The following RAB3C variants were observed in gnomAD, a reference collection of about 807,000 sequenced individuals.
RAB3C encodes ras-related protein Rab-3C.
A neutral mutation model predicts 26.4 loss-of-function variants in RAB3C; 17 were observed. The ratio of observed to expected loss-of-function variants is 0.64; its 90% CI spans 0.44 to 0.97. The LOEUF (loss-of-function observed/expected upper bound fraction) is 0.97. Ranked by LOEUF, RAB3C falls within the 50% of genes least tolerant of loss-of-function variation. The pLI is 0.00. For missense variants in RAB3C, 242 were observed against 281.9 expected (o/e 0.86, Z 1.01); for synonymous variants, 91 against 95.9 (o/e 0.95, Z 0.30).
chr5:58,660,413 C>T lies in RAB3C; in HGVS notation c.252+42543C>T, dbSNP rs750681097. Among the ~76,000 whole-genome samples, 18 of 150,126 alleles carry T rather than the reference C, an allele frequency of 1.2e-4. 1 individual carries two copies. Among genetic ancestry groups the T allele is most frequent in the African/African-American group, 1.8e-4 (7 of 39,512 alleles). ...TCTTCCCATTCACTCCCACCCCAAG[C>T]CATGCAGAAACAACATGAGAGGACG... On this transcript the variant is annotated intron_variant, in intron 2 of 4. Transcript: ENST00000282878.
Position 58,852,180 on chromosome 5 carries a change from G to T in RAB3C, c.*829G>T, listed in dbSNP as rs1744128871. 1 of 152,028 alleles carries T rather than the reference G, an allele frequency of 6.6e-6. No homozygotes were observed. Among genetic ancestry groups the T allele is most frequent in the Non-Finnish European group, 1.5e-5 (1 of 68,046 alleles). The allele number at this position is 152,028 out of a possible 1,614,324, so 9.4% of individuals were successfully genotyped here. A position where few individuals can be genotyped will look rare whatever the true frequency, so the allele number is the denominator to read the frequency against. On this transcript the variant is annotated 3_prime_UTR_variant, in exon 5 of 5. Coordinates refer to ENST00000282878, the MANE Select transcript of RAB3C (RefSeq NM_138453.4). ...TGCAACAAGCATTTTAACCAAGAAGGGTATGAGTAGCTATGGAATTCCAAG... is the reference window on the plus strand; with the variant it reads ...TGCAACAAGCATTTTAACCAAGAAGTGTATGAGTAGCTATGGAATTCCAAG...
chr5:58,740,627 C>G (rs1741256481), intron 3 of RAB3C, among the ~76,000 whole-genome samples: 1 of 152,096 alleles, frequency 6.6e-6, no homozygotes, highest in Admixed American at 6.5e-5. Flanking sequence ...AAAGATCAGC[C>G]TGGCCAGCAT....
At position 58,730,146 on chromosome 5, in the gene RAB3C, G is replaced by A. The variant is rs547739666; in HGVS notation, c.371+4026G>A. On this transcript the variant is annotated intron_variant, in intron 3 of 4. Transcript: ENST00000282878. ...ATATTTATCTTTTCGTTTTTCTTAA[G>A]TGTATACTTGTCTTAAGTTCCTACT... Among the ~76,000 whole-genome samples the A allele has an allele frequency of 3.3e-5, 5 of 151,802 alleles. No homozygotes were observed. The South Asian group carries it at 8.3e-4, about 25-fold the overall frequency.
intron 2 of RAB3C, among the ~76,000 whole-genome samples, chr5:58,661,088 G>A (rs1457380649): frequency 6.7e-6 from 1 of 149,942 alleles, no homozygotes; most frequent in Admixed American, 6.6e-5. Context: ...TTATTTTAAG[G>A]TCCTATTAAA....
chr5:58,827,126 G>C (rs1384835404), intron 4 of RAB3C, among the ~76,000 whole-genome samples: 1 of 103,694 alleles, frequency 9.6e-6, no homozygotes, highest in Admixed American at 9.1e-5. Flanking sequence ...AATATGAAGA[G>C]TCTGAAAAAA....
intron 3 of RAB3C, among the ~76,000 whole-genome samples, chr5:58,767,405 A>T (rs1397522220): frequency 3.3e-5 from 5 of 152,192 alleles, no homozygotes; most frequent in African/African-American, 1.2e-4. Context: ...CATTTCATTC[A>T]TTCATTCTTT....
chr5:58,722,781 G>A (rs1254502345), intron 2 of RAB3C, among the ~76,000 whole-genome samples: 1 of 151,744 alleles, frequency 6.6e-6, no homozygotes, highest in Non-Finnish European at 1.5e-5. Context: ...GCTTCTTTCT[G>A]CCTAATTTGT....
At chr5:58,820,421 C>T (rs1420845155) in intron 3 of RAB3C, among the ~76,000 whole-genome samples, 1 of 152,116 alleles carries the variant, frequency 6.6e-6, no homozygotes, top group African/African-American at 2.4e-5. Flanking sequence ...TGGGACTGTG[C>T]CTAAAGCTCC....
chr5:58,628,390 CAG>C (rs1483555309), intron 2 of RAB3C, among the ~76,000 whole-genome samples: 3 of 152,100 alleles, frequency 2.0e-5, no homozygotes, highest in Non-Finnish European at 2.9e-5. Flanking sequence ...GAGCTAGCAT[CAG>C]AGAGTCATTA....
intron 3 of RAB3C, among the ~76,000 whole-genome samples, chr5:58,754,779 T>G (rs1280185699): frequency 6.6e-6 from 1 of 152,178 alleles, no homozygotes; most frequent in East Asian, 1.9e-4. Flanking sequence ...CAAATTGTAT[T>G]TGCACACAGC....
At chr5:58,736,577 A>T (rs755234472) in intron 3 of RAB3C, among the ~76,000 whole-genome samples, 2 of 152,218 alleles carry the variant, frequency 1.3e-5, no homozygotes, top group Non-Finnish European at 2.9e-5. Flanking sequence ...TGTGTGGCGA[A>T]GTCAAGAACA....
At chr5:58,689,908 T>A (rs1748527618) in intron 2 of RAB3C, among the ~76,000 whole-genome samples, 1 of 152,156 alleles carries the variant, frequency 6.6e-6, no homozygotes, top group African/African-American at 2.4e-5. Flanking sequence ...TGTCTAATAT[T>A]CTGTCACTCA....
chr5:58,615,839 G>A (rs932572841), intron 1 of RAB3C, among the ~76,000 whole-genome samples: 5 of 151,970 alleles, frequency 3.3e-5, no homozygotes, highest in African/African-American at 4.8e-5. Context: ...AAATACCCAC[G>A]GGTTTTTTGT....
chr5:58,653,259 C>T (rs944650226), intron 2 of RAB3C, among the ~76,000 whole-genome samples: 17 of 152,100 alleles, frequency 1.1e-4, no homozygotes, highest in Admixed American at 5.2e-4. Context: ...TTCCATCTCA[C>T]GCCAGTTAGA....
chr5:58,810,614 T>C (rs7728725), intron 3 of RAB3C, among the ~76,000 whole-genome samples: 25,584 of 152,038 alleles, frequency 0.17, 3,717 homozygotes, highest in African/African-American at 0.4. Context: ...TAGGCATCAG[T>C]TGTAGCTTGC....
At chr5:58,835,347 C>A (rs367584547) in intron 4 of RAB3C, among the ~76,000 whole-genome samples, 3 of 152,150 alleles carry the variant, frequency 2.0e-5, no homozygotes, top group Admixed American at 6.5e-5. Context: ...TCTTACCAAC[C>A]TTTGACCCCT....
At chr5:58,604,694 G>A (rs936111854) in intron 1 of RAB3C, among the ~76,000 whole-genome samples, 2 of 152,178 alleles carry the variant, frequency 1.3e-5, no homozygotes, top group African/African-American at 4.8e-5. Context: ...CAGGTGGAGG[G>A]CAAGATGGGC....
At chr5:58,674,870 AGGT>A (rs1748192036) in intron 2 of RAB3C, among the ~76,000 whole-genome samples, 1 of 151,868 alleles carries the variant, frequency 6.6e-6, no homozygotes. Context: ...AAAAAAAAAA[AGGT>A]CTTTATAAAC....
intron 3 of RAB3C, among the ~76,000 whole-genome samples, chr5:58,736,299 CT>C (rs1741133287): frequency 6.6e-6 from 1 of 152,176 alleles, no homozygotes; most frequent in African/African-American, 2.4e-5. Context: ...AAGCACACCC[CT>C]AGGTGGAGAT....
Sources: allele counts gnomAD v4.1 joint callset (sites outside exome capture counted in the v4.1 genomes callset), GRCh38; gene constraint gnomAD v4.1.1; transcripts MANE v1.5; gene names NCBI Gene and HGNC (gene_info 2026-07-23, HGNC 2026-07-21).